The following RAI14 variants were observed in gnomAD, a reference collection of about 807,000 sequenced individuals.
RAI14 encodes retinoic acid induced 14, also known as ankycorbin.
RAI14 carries 45 observed loss-of-function variants against 115.4 expected under a neutral mutation model. The observed-to-expected ratio is 0.39, with a 90% CI of 0.31 to 0.50. The LOEUF is 0.50. RAI14 is among the 20% of genes least tolerant of loss of function. The pLI is 0.85. For synonymous variants in RAI14, 371 were observed against 415.4 expected, an observed-to-expected ratio of 0.89 and a Z score of 1.30; for missense variants, 939 against 1,131.2, an observed-to-expected ratio of 0.83 and a Z score of 2.44.
chr5:34,782,448 G>C (rs1751780068), intron 3 of RAI14, among the ~76,000 whole-genome samples: 1 of 152,142 alleles, frequency 6.6e-6, no homozygotes, highest in South Asian at 2.1e-4. Flanking sequence ...ATTTTAATGG[G>C]TTACTAGCTC....
intron 3 of RAI14, among the ~76,000 whole-genome samples, chr5:34,790,327 G>A (rs1270118491): frequency 1.3e-5 from 2 of 152,238 alleles, no homozygotes; most frequent in Non-Finnish European, 2.9e-5. Flanking sequence ...ATAATACACA[G>A]GAGATGGGTT....
intron 1 of RAI14, among the ~76,000 whole-genome samples, chr5:34,683,970 G>T (rs1338766220): frequency 1.3e-5 from 2 of 152,082 alleles, no homozygotes; most frequent in Non-Finnish European, 1.5e-5. Flanking sequence ...CTTGTGTTCC[G>T]CCGGCCTCGG....
intron 2 of RAI14, among the ~76,000 whole-genome samples, chr5:34,720,570 C>T (rs1452681692): frequency 1.1e-4 from 16 of 151,844 alleles, no homozygotes; most frequent in South Asian, 4.2e-4. Context: ...GCCACCACGC[C>T]CAGCTAATTT....
In RAI14 at chr5:34,689,559, G is replaced by T. The variant is rs182433220; in HGVS notation, c.36+2604G>T. Among the ~76,000 whole-genome samples, 182 of 152,180 alleles carry T rather than the reference G, an allele frequency of 1.2e-3. 2 individuals are homozygous for T. The highest frequency in any genetic ancestry group is 9.6e-4 in the Non-Finnish European group (65 of 67,998). ...GAAATGATATTAGCCCCGTAAGACT[G>T]GGGTGACAGTTAAATGCATTAAATG... On this transcript the variant is annotated intron_variant, in intron 2 of 17. Transcript: ENST00000265109.
chr5:34,778,893 T>C (rs1460907727), intron 3 of RAI14, among the ~76,000 whole-genome samples: 1 of 152,134 alleles, frequency 6.6e-6, no homozygotes, highest in Non-Finnish European at 1.5e-5. Flanking sequence ...ATCATCCTGA[T>C]ACCAAAGCCT....
chr5:34,762,674 C>G (rs925788870), intron 3 of RAI14, among the ~76,000 whole-genome samples: 18 of 152,144 alleles, frequency 1.2e-4, no homozygotes, highest in African/African-American at 4.3e-4. Flanking sequence ...GGAGTCAGGC[C>G]TGGCGTGCCT....
At position 34,720,645 on chromosome 5, in the gene RAI14, T is replaced by C. The variant is rs1268677030; in HGVS notation, c.36+33690T>C. ...CAGGGTGGTCTCGATCTCCTGACTT[T>C]GTGATCTGCCCACCTCGGCCTCCCA... On this transcript the variant is annotated intron_variant, in intron 2 of 17. Coordinates refer to ENST00000265109, the MANE Select transcript of RAI14 (RefSeq NM_015577.3). Among the ~76,000 whole-genome samples the C allele has an allele frequency of 3.3e-5, 5 of 152,046 alleles. No individual in the cohort carries two copies. In the East Asian group the frequency reaches 7.8e-4, roughly 24 times the overall value.
rs148082775 is a variant in RAI14 at position 34,755,961 on chromosome 5, C to T, written c.37-1507C>T. Among the ~76,000 whole-genome samples, 35 of 152,292 alleles carry T rather than the reference C, an allele frequency of 2.3e-4. No individual in the cohort carries two copies. In the East Asian group the frequency reaches 3.7e-3, roughly 16 times the overall value. On this transcript the variant is annotated intron_variant, in intron 2 of 17. Coordinates refer to ENST00000265109, the MANE Select transcript of RAI14 (RefSeq NM_015577.3). ...TCTGGAGTTCTGGACTTCAAGTTCA[C>T]GCAGCCCAGAGAACAAGCTGCTGAT...
chr5:34,690,691 T>A (rs1172162208), intron 2 of RAI14, among the ~76,000 whole-genome samples: 1 of 152,214 alleles, frequency 6.6e-6, no homozygotes. Context: ...GACAGTGACA[T>A]TGTCCGGTGG....
intron 2 of RAI14, among the ~76,000 whole-genome samples, chr5:34,708,081 A>G (rs1389061585): frequency 6.6e-6 from 1 of 152,260 alleles, no homozygotes; most frequent in Non-Finnish European, 1.5e-5. Context: ...TCATGTCAAG[A>G]AACTAGATCG....
rs1051668553 is a variant in RAI14, at chr5:34,736,810, A to G, written c.37-20658A>G. Among the ~76,000 whole-genome samples the G allele has an allele frequency of 2.6e-5, 4 of 152,202 alleles. No homozygotes were observed. In the South Asian group the frequency reaches 6.2e-4, roughly 24 times the overall value. ...AAGAATGATCTTTTCAATGTTTGCC[A>G]TGTTTTACTTTGCTGTCTATAATGT... On this transcript the variant is annotated intron_variant, in intron 2 of 17. Coordinates refer to ENST00000265109, the MANE Select transcript of RAI14 (RefSeq NM_015577.3).
intron 2 of RAI14, among the ~76,000 whole-genome samples, chr5:34,714,754 G>C (rs1285229074): frequency 1.3e-5 from 2 of 152,072 alleles, no homozygotes; most frequent in African/African-American, 4.8e-5. Context: ...TTTATTTACT[G>C]TTTCTGTCCA....
chr5:34,729,326 G>A (rs1743885350), intron 2 of RAI14, among the ~76,000 whole-genome samples: 1 of 152,204 alleles, frequency 6.6e-6, no homozygotes, highest in Non-Finnish European at 1.5e-5. Context: ...TCCAGCCTGA[G>A]TGACAGAGCA....
chr5:34,714,217 A>G (rs1055851848), intron 2 of RAI14, among the ~76,000 whole-genome samples: 1 of 152,158 alleles, frequency 6.6e-6, no homozygotes, highest in African/African-American at 2.4e-5. Flanking sequence ...CTATTACCAT[A>G]TTTCTAATTT....
chr5:34,683,790 C>T (rs905535298), intron 1 of RAI14, among the ~76,000 whole-genome samples: 3 of 151,518 alleles, frequency 2.0e-5, no homozygotes, highest in Admixed American at 2.0e-4. Context: ...TGCAGTGGCG[C>T]GATATCGGCT....
chr5:34,678,597 C>T (rs1198387617), intron 1 of RAI14, among the ~76,000 whole-genome samples: 3 of 152,184 alleles, frequency 2.0e-5, no homozygotes, highest in East Asian at 1.9e-4. Flanking sequence ...CTACAGGCCA[C>T]GAAGAAAGGC....
chr5:34,805,534 A>G (rs988412402), intron 5 of RAI14, among the ~76,000 whole-genome samples: 2 of 152,134 alleles, frequency 1.3e-5, no homozygotes, highest in Non-Finnish European at 2.9e-5. Context: ...GAGCCTTTTG[A>G]GATTCTTCAA....
At chr5:34,682,505 A>G (rs1313135166) in intron 1 of RAI14, among the ~76,000 whole-genome samples, 1 of 151,230 alleles carries the variant, frequency 6.6e-6, no homozygotes, top group East Asian at 1.9e-4. Context: ...TTTTAAAGGG[A>G]AAATGAACTG....
At chr5:34,718,173 C>T (rs1742225071) in intron 2 of RAI14, among the ~76,000 whole-genome samples, 1 of 152,160 alleles carries the variant, frequency 6.6e-6, no homozygotes, top group Admixed American at 6.5e-5. Flanking sequence ...TGTGGCTGCC[C>T]ATTATTTAAG....
Sources: allele counts gnomAD v4.1 joint callset (sites outside exome capture counted in the v4.1 genomes callset), GRCh38; gene constraint gnomAD v4.1.1; transcripts MANE v1.5; gene names NCBI Gene and HGNC (gene_info 2026-07-23, HGNC 2026-07-21).